The following MYRF variants were observed in gnomAD, a reference collection of about 807,000 sequenced individuals.
MYRF encodes myelin regulatory factor, also known as myelin gene regulatory factor.
Under a neutral mutation model 126.3 loss-of-function variants are expected in MYRF, and 16 were observed. That is an observed-to-expected ratio of 0.13 (90% CI 0.09 to 0.19). The LOEUF (loss-of-function observed/expected upper bound fraction) is 0.19. Ranked by LOEUF, MYRF falls within the 10% of genes least tolerant of loss-of-function variation. The pLI, the probability that MYRF is intolerant of heterozygous loss-of-function variation, is 1.00. For synonymous variants in MYRF, 608 were observed against 635.3 expected (o/e 0.96, Z 0.65); for missense variants, 1,104 against 1,547.0 (o/e 0.71, Z 4.80).
At chr11:61,781,935 G>C (rs1014576317) in intron 22 of MYRF, 111 bp downstream of exon 22, 7 of 1,306,008 alleles carry the variant, frequency 5.4e-6, no homozygotes, top group Middle Eastern at 5.5e-4. Context: ...TCAGTCAATA[G>C]ACGTTTGCTG....
chr11:61,752,803 G>T lies in MYRF; in HGVS notation c.46+13G>T. 6.7e-7 allele frequency: 1 copy of T among 1,486,360 alleles called. No individual in the cohort carries two copies. 92.1% of individuals were successfully genotyped at this position (1,486,360 alleles called of 1,614,324 possible). A position where few individuals can be genotyped will look rare whatever the true frequency, so the allele number is the denominator to read the frequency against. ...CGCTTCTTCGAAGGTGAGAGACCGC[G>T]GGCTGGCGGCGGCGACCCTCTGGCG... On this transcript the variant is annotated intron_variant, in intron 1 of 26. Coordinates refer to ENST00000278836, the MANE Select transcript of MYRF (RefSeq NM_001127392.3).
In MYRF at chr11:61,757,892, C is replaced by T. The variant is rs1367865140; in HGVS notation, c.46+5102C>T. Among the ~76,000 whole-genome samples, 1 of 152,142 alleles carries T rather than the reference C, an allele frequency of 6.6e-6. No homozygotes were observed. Among genetic ancestry groups the T allele is most frequent in the Non-Finnish European group, 1.5e-5 (1 of 67,996 alleles). Reference sequence around the variant, plus strand: ...CAGAGCTGGGACTGGAGCCTGGGTCCCAGCTCTGTGCCAGCCTGGGATGGG... The same window carrying T: ...CAGAGCTGGGACTGGAGCCTGGGTCTCAGCTCTGTGCCAGCCTGGGATGGG... On this transcript the variant is annotated intron_variant, in intron 1 of 26. Coordinates refer to ENST00000278836, the MANE Select transcript of MYRF (RefSeq NM_001127392.3). This position sits in a 1 kb window ranked among gnomAD's most constrained non-coding sequence, Gnocchi z 4.7.
In MYRF at chr11:61,786,384, C is replaced by G. The variant is rs1013251641; in HGVS notation, c.*241C>G. On this transcript the variant is annotated 3_prime_UTR_variant, in exon 27 of 27. Coordinates refer to ENST00000278836, the MANE Select transcript of MYRF (RefSeq NM_001127392.3). The surrounding 1 kb of genome is among the most constrained non-coding windows in gnomAD (Gnocchi z 4.5). ...TCTTGGGCCTTCCTGCCTGCCACCCCCTAGGGGCCAGGACAGGACCAGTTT... is the reference window on the plus strand; with the variant it reads ...TCTTGGGCCTTCCTGCCTGCCACCCGCTAGGGGCCAGGACAGGACCAGTTT... The G allele has an allele frequency of 2.6e-5, 15 of 573,340 alleles. No individual in the cohort carries two copies. The highest frequency in any genetic ancestry group is 2.0e-4 in the East Asian group (7 of 34,430). The allele number at this position is 573,340 out of a possible 1,614,324, so 35.5% of individuals were successfully genotyped here. A position where few individuals can be genotyped will look rare whatever the true frequency, so the allele number is the denominator to read the frequency against.
chr11:61,761,269 G>GGT (rs1462506957), intron 1 of MYRF, among the ~76,000 whole-genome samples: 102 of 145,458 alleles, frequency 7.0e-4, no homozygotes, highest in African/African-American at 2.2e-3. Flanking sequence ...TGGGGGGGGG[G>GGT]GCACATAAGC....
chr11:61,772,698 C>G (rs1244445875), intron 7 of MYRF, among the ~76,000 whole-genome samples: 1 of 152,236 alleles, frequency 6.6e-6, no homozygotes, highest in Non-Finnish European at 1.5e-5. Flanking sequence ...TACTGCCATA[C>G]TCTTTGGGCC....
intron 1 of MYRF, among the ~76,000 whole-genome samples, chr11:61,762,005 C>T (rs970636112): frequency 2.6e-5 from 4 of 152,208 alleles, no homozygotes; most frequent in South Asian, 2.1e-4. Context: ...GGAATTACAA[C>T]GCCCCTGCCC....
intron 1 of MYRF, chr11:61,755,550 T>C: frequency 7.2e-7 from 1 of 1,386,040 alleles, no homozygotes; most frequent in Non-Finnish European, 1.0e-6. Flanking sequence ...TGGTGCAGGC[T>C]GGACCACTGA....
chr11:61,785,494 A>C, intron 25 of MYRF: 1 of 416,990 alleles, frequency 2.4e-6, no homozygotes, highest in Non-Finnish European at 4.4e-6. Flanking sequence ...GATGGGGCTA[A>C]TGAAATACTT....
chr11:61,784,970 T>C (rs1020160853), intron 25 of MYRF: 2 of 152,938 alleles, frequency 1.3e-5, no homozygotes, highest in African/African-American at 4.8e-5. Flanking sequence ...GAAGTAGTGA[T>C]TATTTTTTCT....
Position 61,779,488 on chromosome 11 carries a change from C to T in MYRF, c.2175-10C>T, listed in dbSNP as rs370308813. On this transcript the variant is annotated splice_polypyrimidine_tract_variant and intron_variant, in intron 15 of 26. Coordinates refer to ENST00000278836, the MANE Select transcript of MYRF (RefSeq NM_001127392.3). ...CAGGGACACCCCTGATCCTGGCCCT[C>T]TTGCTGCAGCCATGCAGGGAGCCAG... 221 of 1,532,184 alleles carry T rather than the reference C, an allele frequency of 1.4e-4. No homozygotes were observed. The highest frequency in any genetic ancestry group is 3.8e-4 in the Admixed American group (19 of 49,662). The allele number at this position is 1,532,184 out of a possible 1,614,324, so 94.9% of individuals were successfully genotyped here.
chr11:61,757,547 A>G lies in MYRF; in HGVS notation c.46+4757A>G, dbSNP rs1233952528. 2.2e-6 allele frequency: 1 copy of G among 456,076 alleles called. No homozygotes were observed. The highest frequency in any genetic ancestry group is 4.4e-6 in the Non-Finnish European group (1 of 226,848). The allele number at this position is 456,076 out of a possible 1,614,324, so 28.3% of individuals were successfully genotyped here. A position where few individuals can be genotyped will look rare whatever the true frequency, so the allele number is the denominator to read the frequency against. On this transcript the variant is annotated intron_variant, in intron 1 of 26. Transcript: ENST00000278836. This position sits in a 1 kb window ranked among gnomAD's most constrained non-coding sequence, Gnocchi z 4.7. ...GCCCCTAAGCTTAGGGGGCTTGTTGAGCATGTTCTGTGGTTCTGTGTGCAA... is the reference window on the plus strand; with the variant it reads ...GCCCCTAAGCTTAGGGGGCTTGTTGGGCATGTTCTGTGGTTCTGTGTGCAA...
At chr11:61,761,275 T>G (rs1327212314) in intron 1 of MYRF, among the ~76,000 whole-genome samples, 1 of 114,874 alleles carries the variant, frequency 8.7e-6, no homozygotes, top group Non-Finnish European at 1.8e-5. Flanking sequence ...GGGGGGCACA[T>G]AAGCACAAGG....
In MYRF at chr11:61,777,655, G is replaced by A; in HGVS notation, c.1792-79G>A. 7.0e-7 allele frequency: 1 copy of A among 1,427,970 alleles called. No individual in the cohort carries two copies. Among genetic ancestry groups the A allele is most frequent in the Admixed American group, 2.1e-5 (1 of 48,534 alleles). The allele number at this position is 1,427,970 out of a possible 1,614,324, so 88.5% of individuals were successfully genotyped here. Reference sequence around the variant, plus strand: ...CTCCTCTCCACACTGCAGCCTCCAGGCTGCCGCCCTCCTGGGCTCCGGGGC... The same window carrying A: ...CTCCTCTCCACACTGCAGCCTCCAGACTGCCGCCCTCCTGGGCTCCGGGGC... On this transcript the variant is annotated intron_variant, in intron 12 of 26. Coordinates refer to ENST00000278836, the MANE Select transcript of MYRF (RefSeq NM_001127392.3). This position sits in a 1 kb window ranked among gnomAD's most constrained non-coding sequence, Gnocchi z 8.8.
intron 4 of MYRF, among the ~76,000 whole-genome samples, 200 bp from the exon 5 acceptor site, chr11:61,770,046 C>T (rs1480257778): frequency 6.6e-6 from 1 of 152,012 alleles, no homozygotes; most frequent in African/African-American, 2.4e-5. Context: ...GCTGCCCCTC[C>T]TTGGGCAGGT....
At chr11:61,753,261 C>A (rs1252291936) in intron 1 of MYRF, among the ~76,000 whole-genome samples, 1 of 151,698 alleles carries the variant, frequency 6.6e-6, no homozygotes, top group Non-Finnish European at 1.5e-5. Context: ...GAATCTGTGA[C>A]CCCCGCCTAG....
chr11:61,755,487 G>C (rs2286008), intron 1 of MYRF: 1 of 1,600,108 alleles, frequency 6.2e-7, no homozygotes, highest in East Asian at 2.2e-5. Context: ...CCAGAGCCAG[G>C]GCAGGCACGG....
chr11:61,770,422 A>G lies in MYRF; in HGVS notation c.637A>G (p.Ile213Val), dbSNP rs1192327738. The G allele has an allele frequency of 2.2e-6, 3 of 1,355,154 alleles. No homozygotes were observed. The highest frequency in any genetic ancestry group is 4.3e-5 in the East Asian group (1 of 23,294). The allele number at this position is 1,355,154 out of a possible 1,614,324, so 83.9% of individuals were successfully genotyped here. The change falls in exon 5 of 27, where the codon ATC becomes GTC. Residue 213 changes from isoleucine to valine, a missense_variant. Physicochemically the swap from Ile to Val is conservative, Grantham distance 29. Transcript: ENST00000278836. ...TCTGTACATGAAGGCCGAGCCCCCG[A>G]TCCCCCACTACGCTGCCATGGGGCA... ...RDLYMKAEPP[I>V]PHYAAMGQGL... is the part of the protein sequence containing the mutation.
intron 1 of MYRF, among the ~76,000 whole-genome samples, chr11:61,756,804 G>T (rs2065771882): frequency 6.6e-6 from 1 of 152,044 alleles, no homozygotes; most frequent in Non-Finnish European, 1.5e-5. Context: ...AGACTGGAAG[G>T]CTGGACAGAG....
chr11:61,754,685 C>T (rs748168354), intron 1 of MYRF, among the ~76,000 whole-genome samples: 2 of 151,172 alleles, frequency 1.3e-5, no homozygotes, highest in Admixed American at 6.6e-5. Flanking sequence ...AGCCATGCAG[C>T]GGCCTGGCGG....
Sources: gnomAD v4.1 joint callset for allele counts (sites outside exome capture counted in the v4.1 genomes callset) on GRCh38, gnomAD v4.1.1 for gene constraint, Gnocchi (gnomAD v3.1) non-coding constraint, MANE v1.5 for transcripts, NCBI Gene and HGNC (gene_info 2026-07-23, HGNC 2026-07-21) for gene names.